ASB2: variants seen among roughly 807,000 people sequenced by gnomAD.
ASB2 encodes the protein ankyrin repeat and SOCS box containing 2.
ASB2 carries 58 observed loss-of-function variants against 62.4 expected under a neutral mutation model. The observed-to-expected ratio is 0.93, with a 90% confidence interval of 0.75 to 1.16. The LOEUF is 1.16. ASB2 is among the 50% of genes most tolerant of loss of function. The probability of loss-of-function intolerance (pLI) is 0.00; values close to 1 mark genes in which losing one functional copy is unlikely to be tolerated. For missense variants in ASB2, 928 were observed against 887.9 expected, an observed-to-expected ratio of 1.05 and a Z score of -0.57; for synonymous variants, 386 against 385.3, an observed-to-expected ratio of 1.00 and a Z score of -0.02.
chr14:93,957,922 G>A (rs1485906783), intron 2 of ASB2, among the ~76,000 whole-genome samples: 1 of 152,118 alleles, frequency 6.6e-6, no homozygotes, highest in Non-Finnish European at 1.5e-5. Context: ...GGGGGGATTG[G>A]GGAGGACTCT....
At chr14:93,963,571 C>T (rs965758925) in intron 2 of ASB2, among the ~76,000 whole-genome samples, 1 of 152,148 alleles carries the variant, frequency 6.6e-6, no homozygotes, top group East Asian at 1.9e-4. Context: ...TGCTAGGGAG[C>T]GCTTGAAACG....
chr14:93,939,579 G>C lies in ASB2; in HGVS notation c.1146C>G (p.Asp382Glu). Residue 382 changes from aspartate (D) to glutamate (E), a missense_variant, in exon 8 of 10, where the codon GAC becomes GAG. By Grantham distance (45) the Asp-to-Glu change is conservative. Coordinates refer to ENST00000555019, the MANE Select transcript of ASB2 (RefSeq NM_001202429.2). ...PLHLAAERNH[D>E]EVLEALLSAR... ...CGCTCAGCAGCGCCTCCAGCACCTC[G>C]TCGTGGTTGCGCTCGGCCGCCAGGT... 1 of 1,583,004 alleles carries C rather than the reference G, an allele frequency of 6.3e-7. No homozygotes were observed. Among genetic ancestry groups the C allele is most frequent in the African/African-American group, 1.4e-5 (1 of 73,982 alleles).
chr14:93,961,132 G>A (rs902710886), intron 2 of ASB2, among the ~76,000 whole-genome samples: 26 of 152,152 alleles, frequency 1.7e-4, no homozygotes, highest in African/African-American at 4.6e-4. Flanking sequence ...AGACAGGGCC[G>A]GGGAGGTCAA....
intron 2 of ASB2, among the ~76,000 whole-genome samples, chr14:93,960,280 T>C (rs1409592896): frequency 6.6e-6 from 1 of 152,204 alleles, no homozygotes; most frequent in African/African-American, 2.4e-5. Context: ...GAGGAAGCTG[T>C]GCTCTCCCTG....
rs1278525704 is a variant in ASB2, at chr14:93,955,255, G to A, written c.312-772C>T. 5.0e-5 allele frequency: 22 copies of A among 435,744 alleles called. No homozygotes were observed. The Admixed American group carries it at 5.1e-4, about 10-fold the overall frequency. The allele number at this position is 435,744 out of a possible 1,614,324, so 27.0% of individuals were successfully genotyped here. On this transcript the variant is annotated intron_variant, in intron 3 of 9. Coordinates refer to ENST00000555019, the MANE Select transcript of ASB2 (RefSeq NM_001202429.2). ...ATTCCCAGGACACCCACGCCATGTT[G>A]GGCTAGGATGGGCTCTGGGCGGTCT...
intron 8 of ASB2, among the ~76,000 whole-genome samples, chr14:93,938,388 G>C (rs890439274): frequency 1.3e-5 from 2 of 151,756 alleles, no homozygotes; most frequent in Non-Finnish European, 2.9e-5. Context: ...TACAGGCGCC[G>C]GCCACCACAC....
chr14:93,957,119 G>A (rs1889253433), intron 2 of ASB2: 9 of 1,378,086 alleles, frequency 6.5e-6, no homozygotes, highest in Non-Finnish European at 8.4e-6. Flanking sequence ...CAACAATGAG[G>A]TTAACCTCAC....
chr14:93,972,956 C>G (rs1243996296), intron 1 of ASB2, among the ~76,000 whole-genome samples: 1 of 152,206 alleles, frequency 6.6e-6, no homozygotes, highest in African/African-American at 2.4e-5. Context: ...CCACCACCAC[C>G]GGCTGCGTCA....
rs567814586 is a variant in ASB2, at chr14:93,937,797, C to G, written c.1672G>C (p.Asp558His). The stretch of plus-strand genomic sequence containing the variant: ...TTGCCCACGTAGTCCAGGAGGACAT[C>G]GATGATGGGCCCCGCCCAGCGGCTC... ...EVSRWAGPIIDVLLDYVGNVQ... is the reference protein window; with the variant it reads ...EVSRWAGPIIHVLLDYVGNVQ... The change falls in exon 9 of 10, where the codon GAT becomes CAT. Residue 558 changes from aspartate (D) to histidine (H), a missense_variant. By Grantham distance (81) the Asp-to-His change is moderately conservative (BLOSUM62 -1). Transcript: ENST00000555019. 6.2e-7 allele frequency: 1 copy of G among 1,611,694 alleles called. No individual in the cohort carries two copies.
rs746350876 is a variant in ASB2 at position 93,953,336 on chromosome 14, G to A, written c.634+16C>T. 6.4e-6 allele frequency: 10 copies of A among 1,551,758 alleles called. No individual in the cohort carries two copies. The highest frequency in any genetic ancestry group is 2.3e-5 in the East Asian group (1 of 43,002). On this transcript the variant is annotated intron_variant, in intron 5 of 9. Transcript: ENST00000555019. ...ATTCTTCCGCAGGAAAGCTCACTCC[G>A]GGGTGGGGACCTCACCTTTGTAGAG...
At position 93,939,397 on chromosome 14, in the gene ASB2, C is replaced by T. The variant is rs1223221212; in HGVS notation, c.1328G>A (p.Ser443Asn). The change falls in exon 8 of 10, where the codon AGC becomes AAC. Residue 443 changes from serine to asparagine, a missense_variant. Transcript: ENST00000555019. ...GTGGCGGATGGCCACGAGCAAGGGG[C>T]TGATGACGTCGCGGTTGGGGTCGGC... ...HGADPNRDVISPLLVAIRHGC... is the reference protein window; with the variant it reads ...HGADPNRDVINPLLVAIRHGC... 6.2e-7 allele frequency: 1 copy of T among 1,612,890 alleles called. No homozygotes were observed. Among genetic ancestry groups the T allele is most frequent in the Non-Finnish European group, 8.5e-7 (1 of 1,179,840 alleles).
intron 6 of ASB2, among the ~76,000 whole-genome samples, chr14:93,949,497 G>T (rs545583492): frequency 6.6e-6 from 1 of 152,236 alleles, no homozygotes; most frequent in Non-Finnish European, 1.5e-5. Flanking sequence ...CCACAGGGAA[G>T]CTGCTCAGCA....
Position 93,954,298 on chromosome 14 carries a change from G to A in ASB2, c.478+19C>T, listed in dbSNP as rs370628557. On this transcript the variant is annotated intron_variant, in intron 4 of 9. Transcript: ENST00000555019. Reference sequence around the variant, plus strand: ...AGTCCCTTTCCCACCTCTTGCCACCGTCAGAGCCCAGCCCTCACCTCGCTG... The same window carrying A: ...AGTCCCTTTCCCACCTCTTGCCACCATCAGAGCCCAGCCCTCACCTCGCTG... The A allele has an allele frequency of 4.7e-5, 76 of 1,607,224 alleles. No individual in the cohort carries two copies. Among genetic ancestry groups the A allele is most frequent in the East Asian group, 3.8e-4 (17 of 44,862 alleles).
chr14:93,947,258 G>T, intron 7 of ASB2, 91 bp downstream of exon 7: 1 of 1,389,072 alleles, frequency 7.2e-7, no homozygotes, highest in Non-Finnish European at 1.0e-6. Flanking sequence ...CCTGTGGGTG[G>T]GACATTCAGG....
chr14:93,957,467 G>C, intron 2 of ASB2: 1 of 883,952 alleles, frequency 1.1e-6, no homozygotes, highest in Non-Finnish European at 1.4e-6. Context: ...TCGGAACCAG[G>C]GCTGCAGTCA....
chr14:93,949,162 G>T lies in ASB2; in HGVS notation c.881-1642C>A, dbSNP rs140325619. Among the ~76,000 whole-genome samples the T allele has an allele frequency of 1.6e-3, 247 of 152,338 alleles. 2 individuals are homozygous for T. The highest frequency in any genetic ancestry group is 5.3e-3 in the African/African-American group (222 of 41,576). ...AGGACATGGAACTAAGATGCTTGAA[G>T]ATGTCAGTGGGGCTAAAATCAAAAG... On this transcript the variant is annotated intron_variant, in intron 6 of 9. Coordinates refer to ENST00000555019, the MANE Select transcript of ASB2 (RefSeq NM_001202429.2).
intron 4 of ASB2, among the ~76,000 whole-genome samples, 186 bp from the exon 5 acceptor site, chr14:93,953,693 A>G (rs1889064076): frequency 6.6e-6 from 1 of 152,210 alleles, no homozygotes; most frequent in South Asian, 2.1e-4. Flanking sequence ...TACACGTCCA[A>G]GCTCAGATGC....
At chr14:93,954,071 C>T (rs1471864162) in intron 4 of ASB2, 18 of 548,138 alleles carry the variant, frequency 3.3e-5, no homozygotes, top group Non-Finnish European at 5.5e-5. Flanking sequence ...AAAAGTCAGC[C>T]CTCCCTCATT....
chr14:93,958,806 C>T (rs1050730957), intron 2 of ASB2, among the ~76,000 whole-genome samples: 1 of 152,194 alleles, frequency 6.6e-6, no homozygotes, highest in African/African-American at 2.4e-5. Flanking sequence ...TCCCAGGATC[C>T]TTGGGTCACG....
Sources: allele counts gnomAD v4.1 joint callset (sites outside exome capture counted in the v4.1 genomes callset), GRCh38; gene constraint gnomAD v4.1.1; transcripts MANE v1.5; gene names NCBI Gene and HGNC (gene_info 2026-07-23, HGNC 2026-07-21).